The following SIGLEC6 variants were observed in gnomAD, a reference collection of about 807,000 sequenced individuals.
SIGLEC6 encodes the protein sialic acid-binding Ig-like lectin 6.
In SIGLEC6, 31 loss-of-function variants were observed where a neutral mutation model predicts 41.4. The ratio of observed to expected loss-of-function variants is 0.75; its 90% CI spans 0.56 to 1.01. SIGLEC6 has a LOEUF of 1.01. SIGLEC6 is among the 50% of genes least tolerant of loss of function. The pLI is 0.00. For synonymous variants in SIGLEC6, 217 were observed against 231.0 expected, an observed-to-expected ratio of 0.94 and a Z score of 0.55; for missense variants, 555 against 558.6, an observed-to-expected ratio of 0.99 and a Z score of 0.06.
rs1979904824 is a variant in SIGLEC6, at chr19:51,529,802, C to A, written c.934G>T (p.Ala312Ser). Residue 312 changes from alanine to serine, a missense_variant, in exon 5 of 8, where the codon GCA (alanine) becomes TCA (serine). Physicochemically the swap from Ala to Ser is moderately conservative, Grantham distance 99. Transcript: ENST00000425629. ...GVLELPQVGS[A>S]EEGDFTCRAQ... ...CGGCAGGTGAAATCTCCTTCTTCTG[C>A]AGACCCTACTTGAGGCAGCTCCAGG... is the stretch of plus-strand genomic sequence containing the variant. The A allele has an allele frequency of 1.2e-6, 2 of 1,614,200 alleles. No individual in the cohort carries two copies. The highest frequency in any genetic ancestry group is 1.7e-6 in the Non-Finnish European group (2 of 1,180,042).
Position 51,530,831 on chromosome 19 carries a change from C to A in SIGLEC6, c.556G>T (p.Ala186Ser), listed in dbSNP as rs752121580. The change falls in exon 3 of 8, where the codon GCC becomes TCC. Residue 186 changes from alanine to serine, a missense_variant. By Grantham distance (99) the Ala-to-Ser change is moderately conservative. Coordinates refer to ENST00000425629, the MANE Select transcript of SIGLEC6 (RefSeq NM_001245.7). Reference sequence around the variant, plus strand: ...GTCCTGGGGCCCAGGGAGGTGGGGGCAGCTGACATCCAGGAGAAGATGGGG... The same window carrying A: ...GTCCTGGGGCCCAGGGAGGTGGGGGAAGCTGACATCCAGGAGAAGATGGGG... Reference protein sequence around the residue: ...TPPIFSWMSAAPTSLGPRTTQ... With the variant: ...TPPIFSWMSASPTSLGPRTTQ... The A allele has an allele frequency of 7.4e-6, 12 of 1,613,974 alleles. No individual in the cohort carries two copies. Among genetic ancestry groups the A allele is most frequent in the Admixed American group, 1.7e-5 (1 of 60,016 alleles).
Position 51,531,233 on chromosome 19 carries a change from T to C in SIGLEC6, c.354A>G (p.Ala118=), listed in dbSNP as rs1295035335. Residue 118 remains alanine (A), a synonymous_variant, in exon 2 of 8, where the codon GCA becomes GCG. Coordinates refer to ENST00000425629, the MANE Select transcript of SIGLEC6 (RefSeq NM_001245.7). ...ATTTGGACTTCAACCGAAAGAAGTA[T>C]GCAGCATTGTCCCTCCTCCGGGCAT... is the stretch of plus-strand genomic sequence containing the variant. ...IRDARRRDNA[A]YFFRLKSKWM... 1 of 1,613,886 alleles carries C rather than the reference T, an allele frequency of 6.2e-7. No individual in the cohort carries two copies. Among genetic ancestry groups the C allele is most frequent in the Non-Finnish European group, 8.5e-7 (1 of 1,179,854 alleles).
Position 51,520,005 on chromosome 19 carries a change from C to A in SIGLEC6, c.*77G>T. ...ATGTCACTCGGTTTGTGGTACATTG[C>A]TGTGGCAGCCCTAGTAACCAATACA... On this transcript the variant is annotated 3_prime_UTR_variant, in exon 8 of 8. Transcript: ENST00000425629. 8.0e-7 allele frequency: 1 copy of A among 1,250,550 alleles called. No homozygotes were observed. The highest frequency in any genetic ancestry group is 1.1e-6 in the Non-Finnish European group (1 of 915,350). The allele number at this position is 1,250,550 out of a possible 1,614,324, so 77.5% of individuals were successfully genotyped here.
rs116871670 is a variant in SIGLEC6 at position 51,518,848 on chromosome 19, G to C, written c.*1234C>G. ...ATCTGGATGGACAAGATCATGTAGA[G>C]AGCCTTGAGCAGAAAGATGATGGAT... On this transcript the variant is annotated 3_prime_UTR_variant, in exon 8 of 8. Transcript: ENST00000425629. Among the ~76,000 whole-genome samples, 4,276 of 152,266 alleles carry C rather than the reference G, an allele frequency of 0.028. 91 individuals carry two copies. Among genetic ancestry groups the C allele is most frequent in the Non-Finnish European group, 0.042 (2,878 of 68,018 alleles).
chr19:51,529,168 C>A (rs1232016919), intron 5 of SIGLEC6, among the ~76,000 whole-genome samples: 1 of 152,154 alleles, frequency 6.6e-6, no homozygotes, highest in Non-Finnish European at 1.5e-5. Flanking sequence ...GGAAGAGATT[C>A]TCTCACAGCC....
intron 5 of SIGLEC6, chr19:51,529,519 A>C: frequency 1.6e-6 from 1 of 628,622 alleles, no homozygotes; most frequent in Admixed American, 3.0e-5. Flanking sequence ...TGCTGTTCCC[A>C]TCCCTCCAGA....
intron 7 of SIGLEC6, among the ~76,000 whole-genome samples, chr19:51,525,764 G>A (rs10853837): frequency 0.59 from 89,183 of 151,470 alleles, 26,454 homozygotes; most frequent in Admixed American, 0.66. Flanking sequence ...AGGGCCCCTG[G>A]CTGGGGCCTG....
chr19:51,531,264 A>C lies in SIGLEC6; in HGVS notation c.323T>G (p.Ile108Ser). 6.2e-7 allele frequency: 1 copy of C among 1,614,122 alleles called. No homozygotes were observed. Among genetic ancestry groups the C allele is most frequent in the Non-Finnish European group, 8.5e-7 (1 of 1,179,984 alleles). Residue 108 changes from isoleucine to serine, a missense_variant, in exon 2 of 8, where the codon ATC becomes AGC. Transcript: ENST00000425629. Reference sequence around the variant, plus strand: ...ATTGTCCCTCCTCCGGGCATCTCTGATGCTCAGGGAGCAGTTCTTCCTTCT... The same window carrying C: ...ATTGTCCCTCCTCCGGGCATCTCTGCTGCTCAGGGAGCAGTTCTTCCTTCT... Reference protein sequence around the residue: ...DPRRKNCSLSIRDARRRDNAA... With the variant: ...DPRRKNCSLSSRDARRRDNAA...
At chr19:51,528,284 T>C (rs1209185302) in intron 5 of SIGLEC6, 31 bp from the exon 6 acceptor site, 1 of 1,579,902 alleles carries the variant, frequency 6.3e-7, no homozygotes, top group Non-Finnish European at 8.7e-7. Flanking sequence ...GAACTCCAGT[T>C]CTAATTCCAG....
At chr19:51,522,684 G>T (rs187352139) in intron 7 of SIGLEC6, among the ~76,000 whole-genome samples, 1 of 151,980 alleles carries the variant, frequency 6.6e-6, no homozygotes, top group Non-Finnish European at 1.5e-5. Flanking sequence ...CCGACTACTC[G>T]GGAGTCTGAG....
At chr19:51,520,732 T>A (rs945706029) in intron 7 of SIGLEC6, among the ~76,000 whole-genome samples, 3 of 152,132 alleles carry the variant, frequency 2.0e-5, no homozygotes, top group Non-Finnish European at 4.4e-5. Flanking sequence ...TAGTGAGTGT[T>A]TACATTAATC....
At chr19:51,521,307 G>A (rs931105168) in intron 7 of SIGLEC6, among the ~76,000 whole-genome samples, 3 of 152,184 alleles carry the variant, frequency 2.0e-5, no homozygotes, top group African/African-American at 7.2e-5. Flanking sequence ...ATTATGGAAT[G>A]AGCAAATAAG....
chr19:51,529,893 AG>A lies in SIGLEC6; in HGVS notation c.842del (p.Pro281LeufsTer4). ...AGCCCTGGAACCAGCTCAGGTGTGC[AG>A]GGGGGTTGCCGTCAGCATCACAGAG... ...RLLCDADGNP[P>X]AHLSWFQGFP... On this transcript the variant is annotated frameshift_variant, in exon 5 of 8. Coordinates refer to ENST00000425629, the MANE Select transcript of SIGLEC6 (RefSeq NM_001245.7). LOFTEE classifies it high-confidence loss of function. 2 of 1,614,040 alleles carry A rather than the reference AG, an allele frequency of 1.2e-6. No individual in the cohort carries two copies. The highest frequency in any genetic ancestry group is 1.7e-6 in the Non-Finnish European group (2 of 1,179,944).
chr19:51,520,252 G>A lies in SIGLEC6; in HGVS notation c.1192C>T (p.His398Tyr), dbSNP rs1307674381. 2 of 1,573,822 alleles carry A rather than the reference G, an allele frequency of 1.3e-6. No individual in the cohort carries two copies. Among genetic ancestry groups the A allele is most frequent in the Middle Eastern group, 1.9e-4 (1 of 5,276 alleles). ...ATGCCTGTCTGGAACTGGTGCTGAT[G>A]ACCCTTAATGGAAGAAAAGAAAAGA... ...NPVMVSGSRG[H>Y]QHQFQTGIVS... The change falls in exon 8 of 8, where the codon CAT becomes TAT. Residue 398 changes from histidine to tyrosine, a missense_variant. His to Tyr is a moderately conservative substitution (Grantham distance 83). Transcript: ENST00000425629.
intron 7 of SIGLEC6, among the ~76,000 whole-genome samples, chr19:51,523,892 G>A (rs929577683): frequency 9.9e-5 from 15 of 152,166 alleles, no homozygotes; most frequent in South Asian, 6.2e-4. Context: ...GCGCGGTGGC[G>A]GGCACCTGTA....
chr19:51,522,753 T>C (rs1178545104), intron 7 of SIGLEC6, among the ~76,000 whole-genome samples: 1 of 152,144 alleles, frequency 6.6e-6, no homozygotes, highest in Non-Finnish European at 1.5e-5. Flanking sequence ...AACATGCCAT[T>C]GCACTCCACC....
chr19:51,528,346 C>A, intron 5 of SIGLEC6, 93 bp from the exon 6 acceptor site: 3 of 1,013,766 alleles, frequency 3.0e-6, no homozygotes, highest in Non-Finnish European at 4.6e-6. Context: ...GTGACCACCC[C>A]CATCCAGGAC....
Position 51,519,973 on chromosome 19 carries a change from T to C in SIGLEC6, c.*109A>G. Reference sequence around the variant, plus strand: ...CTGAAACTATACGAAAATAAAGTTCTGTGTTTATGTCACTCGGTTTGTGGT... The same window carrying C: ...CTGAAACTATACGAAAATAAAGTTCCGTGTTTATGTCACTCGGTTTGTGGT... On this transcript the variant is annotated 3_prime_UTR_variant, in exon 8 of 8. Coordinates refer to ENST00000425629, the MANE Select transcript of SIGLEC6 (RefSeq NM_001245.7). 1.0e-6 allele frequency: 1 copy of C among 961,172 alleles called. No homozygotes were observed. The highest frequency in any genetic ancestry group is 1.6e-5 in the African/African-American group (1 of 61,480). The allele number at this position is 961,172 out of a possible 1,614,324, so 59.5% of individuals were successfully genotyped here. A position where few individuals can be genotyped will look rare whatever the true frequency, so the allele number is the denominator to read the frequency against.
intron 4 of SIGLEC6, 36 bp from the exon 5 acceptor site, chr19:51,530,017 G>T (rs770081865): frequency 3.9e-6 from 6 of 1,542,246 alleles, no homozygotes; most frequent in East Asian, 4.5e-5. Context: ...TAGAGATGGG[G>T]TATAGGGGCA....
Sources: allele counts gnomAD v4.1 joint callset (sites outside exome capture counted in the v4.1 genomes callset), GRCh38; gene constraint gnomAD v4.1.1; transcripts MANE v1.5; gene names NCBI Gene and HGNC (gene_info 2026-07-23, HGNC 2026-07-21).